Variants in NSMCE2 observed in about 807,000 individuals in gnomAD.
NSMCE2 encodes the protein NSE2 SUMO ligase component of SMC5/6 complex.
NSMCE2 carries 24 observed loss-of-function variants against 23.8 expected under a neutral mutation model. The ratio of observed to expected loss-of-function variants is 1.01; its 90% confidence interval spans 0.73 to 1.42. NSMCE2 has a LOEUF of 1.42. Among genes scored for constraint, NSMCE2 ranks in the 40% most tolerant of loss-of-function variants. The pLI is 0.00. For synonymous variants in NSMCE2, 92 were observed against 94.1 expected (o/e 0.98, Z 0.13); for missense variants, 284 against 296.5 (o/e 0.96, Z 0.31).
At chr8:125,220,150 G>T (rs181688063) in intron 5 of NSMCE2, among the ~76,000 whole-genome samples, 10 of 152,338 alleles carry the variant, frequency 6.6e-5, no homozygotes, top group African/African-American at 2.2e-4. Context: ...TTGGCTGACT[G>T]TGGGAAAACC....
chr8:125,164,846 A>G (rs568969907), intron 4 of NSMCE2, among the ~76,000 whole-genome samples: 1 of 152,222 alleles, frequency 6.6e-6, no homozygotes, highest in South Asian at 2.1e-4. Flanking sequence ...AGCCTAGCTA[A>G]CATGTCTCCA....
At chr8:125,228,467 G>A (rs548597198) in intron 5 of NSMCE2, among the ~76,000 whole-genome samples, 2 of 152,252 alleles carry the variant, frequency 1.3e-5, no homozygotes, top group African/African-American at 2.4e-5. Flanking sequence ...TGGGTGCTGA[G>A]AAAACACAAA....
chr8:125,296,392 ATTTTTTTT>A (rs11410793), intron 5 of NSMCE2, among the ~76,000 whole-genome samples: 8 of 125,746 alleles, frequency 6.4e-5, no homozygotes, highest in African/African-American at 2.4e-4. Context: ...TGCCATGGTC[ATTTTTTTT>A]TTTTTTTTTT....
chr8:125,174,467 C>T (rs578064317), intron 4 of NSMCE2, among the ~76,000 whole-genome samples: 22 of 152,188 alleles, frequency 1.4e-4, no homozygotes, highest in African/African-American at 4.8e-4. Flanking sequence ...TAAATCATTC[C>T]GGTTGGTCAT....
chr8:125,171,262 C>A (rs1305836573), intron 4 of NSMCE2, among the ~76,000 whole-genome samples: 1 of 152,228 alleles, frequency 6.6e-6, no homozygotes, highest in African/African-American at 2.4e-5. Flanking sequence ...ACAAACTCCA[C>A]AAGGGCAGGA....
intron 5 of NSMCE2, among the ~76,000 whole-genome samples, chr8:125,279,627 G>A (rs1303460873): frequency 6.6e-6 from 1 of 152,150 alleles, no homozygotes; most frequent in East Asian, 1.9e-4. Flanking sequence ...AGATAGAAAG[G>A]TTGCTACTTT....
At chr8:125,194,461 G>A (rs992748947) in intron 5 of NSMCE2, among the ~76,000 whole-genome samples, 9 of 152,022 alleles carry the variant, frequency 5.9e-5, no homozygotes, top group African/African-American at 2.2e-4. Flanking sequence ...GTATCTCATC[G>A]CATGGATATA....
intron 5 of NSMCE2, among the ~76,000 whole-genome samples, chr8:125,298,639 C>T (rs561620706): frequency 2.0e-5 from 3 of 150,328 alleles, no homozygotes; most frequent in East Asian, 1.9e-4. Flanking sequence ...TACCATTGAA[C>T]GTGACCAGTG....
chr8:125,096,541 GTT>G (rs113915534), intron 1 of NSMCE2, among the ~76,000 whole-genome samples: 3 of 89,040 alleles, frequency 3.4e-5, no homozygotes, highest in Non-Finnish European at 2.5e-5. Flanking sequence ...AGTGTTATTT[GTT>G]TTTTTTTTTT....
intron 5 of NSMCE2, among the ~76,000 whole-genome samples, chr8:125,312,075 T>TAA (rs56906621): frequency 0.38 from 37,871 of 98,682 alleles, 7,081 homozygotes; most frequent in East Asian, 0.51. Context: ...CCATCTCAAT[T>TAA]AAAAAAAAAA....
chr8:125,324,401 A>AT (rs1358535447), intron 5 of NSMCE2, among the ~76,000 whole-genome samples: 2 of 151,918 alleles, frequency 1.3e-5, no homozygotes, highest in African/African-American at 4.8e-5. Context: ...AACTGGAAAC[A>AT]AGCCCAATAT....
chr8:125,221,732 G>A (rs1302819932), intron 5 of NSMCE2, among the ~76,000 whole-genome samples: 1 of 152,224 alleles, frequency 6.6e-6, no homozygotes, highest in Admixed American at 6.5e-5. Context: ...CACATAGCCT[G>A]AAGGTAATTT....
At chr8:125,242,140 A>T (rs1290979824) in intron 5 of NSMCE2, among the ~76,000 whole-genome samples, 1 of 152,182 alleles carries the variant, frequency 6.6e-6, no homozygotes, top group East Asian at 1.9e-4. Context: ...TACAGGTGAC[A>T]GTTGAAGCCA....
intron 5 of NSMCE2, among the ~76,000 whole-genome samples, chr8:125,251,879 A>G (rs1826211473): frequency 6.6e-6 from 1 of 152,214 alleles, no homozygotes; most frequent in Admixed American, 6.5e-5. Context: ...TCCCTACAGT[A>G]TACTGCATTA....
intron 1 of NSMCE2, among the ~76,000 whole-genome samples, chr8:125,092,826 AG>A (rs1817734454): frequency 6.6e-6 from 1 of 152,228 alleles, no homozygotes; most frequent in Non-Finnish European, 1.5e-5. Flanking sequence ...GATCCAAGAG[AG>A]ATTGATTTAA....
rs559299125 is a variant in NSMCE2, at chr8:125,353,182, G to A, written c.419-4037G>A. ...TCAGCTGAACTCTGTTATTCATCCAGCAGATTTTCTGGTGAATTCTCTGGC... is the reference window on the plus strand; with the variant it reads ...TCAGCTGAACTCTGTTATTCATCCAACAGATTTTCTGGTGAATTCTCTGGC... On this transcript the variant is annotated intron_variant, in intron 5 of 7. Coordinates refer to ENST00000287437, the MANE Select transcript of NSMCE2 (RefSeq NM_173685.4). Among the ~76,000 whole-genome samples the A allele has an allele frequency of 2.0e-5, 3 of 152,318 alleles. No individual in the cohort carries two copies. The South Asian group carries it at 6.2e-4, about 32-fold the overall frequency.
At chr8:125,132,708 T>C (rs944009945) in intron 3 of NSMCE2, among the ~76,000 whole-genome samples, 1 of 152,154 alleles carries the variant, frequency 6.6e-6, no homozygotes, top group African/African-American at 2.4e-5. Context: ...TGGCCCAGGC[T>C]AGTCTTGAAC....
rs116496493 is a variant in NSMCE2, at chr8:125,248,847, T to C, written c.418+66591T>C. On this transcript the variant is annotated intron_variant, in intron 5 of 7. Coordinates refer to ENST00000287437, the MANE Select transcript of NSMCE2 (RefSeq NM_173685.4). ...TGGAGACACAGAGGATCATAGTAGC[T>C]TGCCCTAGGGCACTCAGGTATAATA... Among the ~76,000 whole-genome samples the C allele has an allele frequency of 9.7e-3, 1,480 of 152,256 alleles. 20 individuals carry two copies. The highest frequency in any genetic ancestry group is 0.033 in the African/African-American group (1,364 of 41,568).
chr8:125,350,574 G>C (rs1207880899), intron 5 of NSMCE2, among the ~76,000 whole-genome samples: 1 of 152,204 alleles, frequency 6.6e-6, no homozygotes, highest in East Asian at 1.9e-4. Flanking sequence ...CACATGGCTG[G>C]GGAGGCCTCA....
Sources: gnomAD v4.1 joint callset for allele counts (sites outside exome capture counted in the v4.1 genomes callset) on GRCh38, gnomAD v4.1.1 for gene constraint, MANE v1.5 for transcripts, NCBI Gene and HGNC (gene_info 2026-07-23, HGNC 2026-07-21) for gene names.